Variants in HUS1 observed in about 807,000 individuals in gnomAD.
HUS1 encodes HUS1 checkpoint clamp component, also known as checkpoint protein HUS1.
Under a neutral mutation model 32.6 loss-of-function variants are expected in HUS1, and 31 were observed. The ratio of observed to expected loss-of-function variants is 0.95; its 90% confidence interval spans 0.72 to 1.28. The LOEUF is 1.28. Among genes scored for constraint, HUS1 ranks in the 50% most tolerant of loss-of-function variants. The pLI, the probability that HUS1 is intolerant of heterozygous loss-of-function variation, is 0.00. For synonymous variants in HUS1, 123 were observed against 116.6 expected, an observed-to-expected ratio of 1.06 and a Z score of -0.36; for missense variants, 340 against 337.7, an observed-to-expected ratio of 1.01 and a Z score of -0.05.
chr7:47,976,203 T>C, intron 4 of HUS1: 1 of 368,022 alleles, frequency 2.7e-6, no homozygotes, highest in Non-Finnish European at 5.4e-6. Context: ...AAAAGTCAAG[T>C]AATTATTTTA....
chr7:47,975,285 T>C (rs1583722400), intron 5 of HUS1, among the ~76,000 whole-genome samples: 1 of 135,200 alleles, frequency 7.4e-6, no homozygotes, highest in South Asian at 2.3e-4. Flanking sequence ...GCCATTGCAC[T>C]CCAGCCTGGG....
intron 5 of HUS1, among the ~76,000 whole-genome samples, chr7:47,971,736 A>G (rs956599174): frequency 1.3e-5 from 2 of 152,178 alleles, no homozygotes; most frequent in African/African-American, 4.8e-5. Context: ...GAAAAGTGCC[A>G]CCTAGCAACT....
intron 5 of HUS1, among the ~76,000 whole-genome samples, chr7:47,969,521 C>T (rs772618412): frequency 1.3e-5 from 2 of 152,178 alleles, no homozygotes; most frequent in Non-Finnish European, 2.9e-5. Context: ...TCCCAAAAAT[C>T]TCAAAGGGGA....
chr7:47,971,579 C>A (rs1308511727), intron 5 of HUS1: 1 of 456,236 alleles, frequency 2.2e-6, no homozygotes, highest in Non-Finnish European at 4.4e-6. Context: ...TGGTCCACTC[C>A]CGCACCTACA....
chr7:47,975,335 A>G (rs1000510766), intron 5 of HUS1, among the ~76,000 whole-genome samples: 10 of 151,366 alleles, frequency 6.6e-5, no homozygotes, highest in Non-Finnish European at 1.2e-4. Flanking sequence ...AAAAAAAAAA[A>G]GAAAGATACA....
intron 7 of HUS1, among the ~76,000 whole-genome samples, chr7:47,966,173 AGGAGAGGCAGAGACTGAG>A (rs1788474477): frequency 6.6e-6 from 1 of 152,120 alleles, no homozygotes; most frequent in Non-Finnish European, 1.5e-5. Context: ...GCAAGGGCAC[AGGAGAGGCAGAGACTGAG>A]GGTGGCAGGA....
At chr7:47,968,282 A>G (rs556975164) in intron 6 of HUS1, among the ~76,000 whole-genome samples, 1 of 152,198 alleles carries the variant, frequency 6.6e-6, no homozygotes, top group African/African-American at 2.4e-5. Context: ...AAAAAAAAAA[A>G]GAAAACATCC....
intron 5 of HUS1, among the ~76,000 whole-genome samples, chr7:47,969,964 T>C (rs1049832240): frequency 2.6e-5 from 4 of 152,092 alleles, no homozygotes; most frequent in Non-Finnish European, 4.4e-5. Context: ...CCGGGCGCGG[T>C]GGCTCTCGCT....
intron 3 of HUS1, among the ~76,000 whole-genome samples, chr7:47,977,958 A>T (rs1055837404): frequency 3.9e-5 from 6 of 152,208 alleles, no homozygotes; most frequent in Admixed American, 3.9e-4. Flanking sequence ...ATGTATGCGC[A>T]TGAGTTTGTG....
intron 5 of HUS1, among the ~76,000 whole-genome samples, chr7:47,975,384 T>A (rs1018717741): frequency 1.3e-5 from 2 of 151,812 alleles, no homozygotes; most frequent in Non-Finnish European, 2.9e-5. Flanking sequence ...ACAGGCAGAT[T>A]AAAGGCAAAT....
chr7:47,968,470 T>A (rs1408941566), intron 6 of HUS1, among the ~76,000 whole-genome samples: 1 of 152,248 alleles, frequency 6.6e-6, no homozygotes, highest in African/African-American at 2.4e-5. Flanking sequence ...CTTCCAACTC[T>A]ATGCTAAAAT....
intron 5 of HUS1, among the ~76,000 whole-genome samples, chr7:47,975,096 G>A (rs999868537): frequency 3.3e-5 from 5 of 152,116 alleles, no homozygotes; most frequent in Admixed American, 6.5e-5. Flanking sequence ...GGCGGACCAC[G>A]AGGTCAGGAG....
intron 5 of HUS1, among the ~76,000 whole-genome samples, chr7:47,974,654 G>T (rs548598958): frequency 9.2e-5 from 14 of 152,006 alleles, no homozygotes; most frequent in Non-Finnish European, 1.9e-4. Context: ...AACCAAGGGT[G>T]TTTTTTGGAG....
intron 5 of HUS1, among the ~76,000 whole-genome samples, chr7:47,974,695 G>A (rs1356046141): frequency 6.6e-6 from 1 of 152,044 alleles, no homozygotes; most frequent in African/African-American, 2.4e-5. Flanking sequence ...GGAGGAGGGA[G>A]GGGCAGTGAG....
chr7:47,965,290 A>T lies in HUS1; in HGVS notation c.*66T>A. 9.6e-7 allele frequency: 1 copy of T among 1,037,956 alleles called. No homozygotes were observed. 64.3% of individuals were successfully genotyped at this position (1,037,956 alleles called of 1,614,324 possible). A position where few individuals can be genotyped will look rare whatever the true frequency, so the allele number is the denominator to read the frequency against. On this transcript the variant is annotated 3_prime_UTR_variant, in exon 8 of 8. Transcript: ENST00000258774. ...TGTGAGGGCACAGACCAGTGATCAGAACACAACACCTGCGGCCTCTCCCAT... is the reference window on the plus strand; with the variant it reads ...TGTGAGGGCACAGACCAGTGATCAGTACACAACACCTGCGGCCTCTCCCAT...
At chr7:47,976,476 C>A (rs1398949358) in intron 4 of HUS1, 5 of 544,656 alleles carry the variant, frequency 9.2e-6, no homozygotes, top group Non-Finnish European at 1.8e-5. Flanking sequence ...TACTAATTGT[C>A]CTCCAAAAGT....
intron 5 of HUS1, chr7:47,971,511 T>C: frequency 2.2e-6 from 1 of 456,770 alleles, no homozygotes; most frequent in Non-Finnish European, 4.4e-6. Context: ...TTTAATTGGA[T>C]GGAACCTAGA....
At chr7:47,977,213 A>G (rs1039768262) in intron 3 of HUS1, among the ~76,000 whole-genome samples, 24 of 152,280 alleles carry the variant, frequency 1.6e-4, no homozygotes, top group Admixed American at 9.8e-4. Context: ...CATTTCAGAT[A>G]CCACCAAAAG....
chr7:47,977,194 A>C (rs942924093), intron 3 of HUS1, among the ~76,000 whole-genome samples: 24 of 152,266 alleles, frequency 1.6e-4, no homozygotes, highest in Admixed American at 9.8e-4. Flanking sequence ...CCTTAGACTG[A>C]GGAGGTGACA....
Sources: allele counts gnomAD v4.1 joint callset (sites outside exome capture counted in the v4.1 genomes callset), GRCh38; gene constraint gnomAD v4.1.1; transcripts MANE v1.5; gene names NCBI Gene and HGNC (gene_info 2026-07-23, HGNC 2026-07-21).